Variants in CSMD1 observed in about 807,000 individuals in gnomAD.
CSMD1 encodes CUB and Sushi multiple domains 1, also known as CUB and sushi domain-containing protein 1.
CSMD1 carries 213 observed loss-of-function variants against 417.5 expected under a neutral mutation model. The ratio of observed to expected loss-of-function variants is 0.51; its 90% CI spans 0.46 to 0.57. The LOEUF (loss-of-function observed/expected upper bound fraction) is 0.57, where lower values mean the gene tolerates loss of function less well. CSMD1 is among the 20% of genes least tolerant of loss of function. The probability of loss-of-function intolerance (pLI) is 0.00; values close to 1 mark genes in which losing one functional copy is unlikely to be tolerated. For missense variants in CSMD1, 6,923 were observed against 4,529.7 expected, an observed-to-expected ratio of 1.53 and a Z score of -15.17; for synonymous variants, 2,862 against 1,736.8, an observed-to-expected ratio of 1.65 and a Z score of -16.11.
At chr8:4,174,828 G>C (rs1253944930) in intron 3 of CSMD1, among the ~76,000 whole-genome samples, 3 of 138,478 alleles carry the variant, frequency 2.2e-5, no homozygotes, top group Non-Finnish European at 4.6e-5. Context: ...GTGTGCCAGA[G>C]AAATTACACC....
intron 5 of CSMD1, among the ~76,000 whole-genome samples, chr8:3,871,377 T>TA (rs945964368): frequency 1.3e-5 from 2 of 152,234 alleles, no homozygotes; most frequent in African/African-American, 2.4e-5. Context: ...AATAATGGAT[T>TA]AAAAAAACTT....
intron 3 of CSMD1, among the ~76,000 whole-genome samples, chr8:4,214,384 G>C (rs954333521): frequency 3.9e-5 from 6 of 152,158 alleles, no homozygotes; most frequent in African/African-American, 1.4e-4. Flanking sequence ...TGCAACCTCT[G>C]CCTCCTGGAT....
intron 46 of CSMD1, among the ~76,000 whole-genome samples, chr8:3,101,514 C>T (rs1056664078): frequency 6.6e-5 from 10 of 152,066 alleles, no homozygotes; most frequent in East Asian, 3.9e-4. Context: ...GCTCCACCTC[C>T]GGGGTTCACA....
chr8:3,970,744 TG>T (rs1268400403), intron 5 of CSMD1, among the ~76,000 whole-genome samples: 1 of 151,930 alleles, frequency 6.6e-6, no homozygotes, highest in African/African-American at 2.4e-5. Flanking sequence ...CATGGCATCT[TG>T]TTTTTTGTTT....
chr8:2,995,622 T>A (rs1362016933), intron 54 of CSMD1, among the ~76,000 whole-genome samples: 1 of 152,194 alleles, frequency 6.6e-6, no homozygotes, highest in African/African-American at 2.4e-5. Flanking sequence ...GCATTGTTTG[T>A]GACAGCAAAG....
intron 12 of CSMD1, among the ~76,000 whole-genome samples, chr8:3,435,090 AAG>A (rs1814463036): frequency 6.6e-6 from 1 of 152,088 alleles, no homozygotes; most frequent in Non-Finnish European, 1.5e-5. Flanking sequence ...CAATCCATGG[AAG>A]AGAGACGGAG....
At chr8:4,595,645 T>G (rs1800233906) in intron 2 of CSMD1, among the ~76,000 whole-genome samples, 1 of 152,170 alleles carries the variant, frequency 6.6e-6, no homozygotes, top group Non-Finnish European at 1.5e-5. Context: ...TGCATGTCTG[T>G]AGTCCCAGCT....
intron 2 of CSMD1, among the ~76,000 whole-genome samples, chr8:4,427,250 C>T (rs1797612484): frequency 6.6e-6 from 1 of 152,188 alleles, no homozygotes; most frequent in Admixed American, 6.5e-5. Flanking sequence ...GAATGGTCCT[C>T]AGTCCAAGAG....
At chr8:4,396,455 G>C (rs1360175373) in intron 3 of CSMD1, among the ~76,000 whole-genome samples, 1 of 152,132 alleles carries the variant, frequency 6.6e-6, no homozygotes, top group Non-Finnish European at 1.5e-5. Flanking sequence ...GGGCTACAGA[G>C]TGACAGCCAG....
chr8:3,814,396 G>A (rs2954202), intron 5 of CSMD1, among the ~76,000 whole-genome samples: 38,129 of 152,038 alleles, frequency 0.25, 5,298 homozygotes, highest in Non-Finnish European at 0.31. Flanking sequence ...ACTATATCAG[G>A]GAGTAAACTT....
chr8:4,710,810 G>C (rs187768252), intron 1 of CSMD1, among the ~76,000 whole-genome samples: 2 of 151,474 alleles, frequency 1.3e-5, no homozygotes, highest in South Asian at 2.1e-4. Context: ...GCACCACTGC[G>C]CTCTAGCCTG....
At chr8:3,816,873 C>A (rs78845395) in intron 5 of CSMD1, among the ~76,000 whole-genome samples, 5,356 of 152,106 alleles carry the variant, frequency 0.035, 146 homozygotes, top group African/African-American at 0.08. Flanking sequence ...GGTAAGGGGG[C>A]ACTATATATT....
chr8:3,728,620 G>C (rs1335421584), intron 6 of CSMD1, among the ~76,000 whole-genome samples: 2 of 152,126 alleles, frequency 1.3e-5, no homozygotes, highest in Non-Finnish European at 1.5e-5. Context: ...ATCTGTGGTA[G>C]AGACCACCAT....
At chr8:4,919,576 A>C (rs1806298615) in intron 1 of CSMD1, among the ~76,000 whole-genome samples, 1 of 152,200 alleles carries the variant, frequency 6.6e-6, no homozygotes, top group Admixed American at 6.6e-5. Flanking sequence ...AAATGATTCA[A>C]TACCCAGTAC....
chr8:4,199,124 C>G (rs192536476), intron 3 of CSMD1, among the ~76,000 whole-genome samples: 1 of 152,280 alleles, frequency 6.6e-6, no homozygotes, highest in East Asian at 1.9e-4. Context: ...CCGTAAAGTT[C>G]TCATATATTT....
At chr8:4,856,753 A>C (rs1480010994) in intron 1 of CSMD1, among the ~76,000 whole-genome samples, 77 of 149,928 alleles carry the variant, frequency 5.1e-4, no homozygotes, top group African/African-American at 1.8e-3. Context: ...CAGGAGCACC[A>C]AGATTCATAA....
Position 3,603,375 on chromosome 8 carries a change from C to T in CSMD1, c.1097+13335G>A, listed in dbSNP as rs140229521. ...TTTGGACAATGGCAGGGGACTTAGG[C>T]GCGGCAGGCTCAAATACAGCACGTC... On this transcript the variant is annotated intron_variant, in intron 8 of 69. Transcript: ENST00000635120. 2.7e-3 allele frequency among the ~76,000 whole-genome samples: 413 copies of T among 152,188 alleles called. 3 individuals carry two copies. The highest frequency in any genetic ancestry group is 9.5e-3 in the African/African-American group (396 of 41,524).
chr8:3,346,497 T>C (rs537838610), intron 22 of CSMD1, among the ~76,000 whole-genome samples: 2 of 152,324 alleles, frequency 1.3e-5, no homozygotes, highest in African/African-American at 4.8e-5. Context: ...TTCATGACAG[T>C]CCCTCATACT....
At chr8:3,524,979 C>A (rs1426589632) in intron 10 of CSMD1, among the ~76,000 whole-genome samples, 1 of 152,084 alleles carries the variant, frequency 6.6e-6, no homozygotes, top group Non-Finnish European at 1.5e-5. Flanking sequence ...TTAGGCACCC[C>A]AGGAAAAATG....
Sources: gnomAD v4.1 joint callset for allele counts (sites outside exome capture counted in the v4.1 genomes callset) on GRCh38, gnomAD v4.1.1 for gene constraint, MANE v1.5 for transcripts, NCBI Gene and HGNC (gene_info 2026-07-23, HGNC 2026-07-21) for gene names.